CTNNA2: variants seen among roughly 807,000 people sequenced by gnomAD.
CTNNA2 encodes catenin alpha-2.
CTNNA2 carries 42 observed loss-of-function variants against 101.0 expected under a neutral mutation model. That is an observed-to-expected ratio of 0.42 (90% CI 0.32 to 0.54). The LOEUF (loss-of-function observed/expected upper bound fraction) is 0.54, where lower values mean the gene tolerates loss of function less well. CTNNA2 is among the 20% of genes least tolerant of loss of function. The pLI, the probability that CTNNA2 is intolerant of heterozygous loss-of-function variation, is 0.14. For missense variants in CTNNA2, 871 were observed against 1,223.1 expected (o/e 0.71, Z 4.29); for synonymous variants, 450 against 456.4 (o/e 0.99, Z 0.18).
chr2:79,687,871 A>G (rs1327023920), intron 2 of CTNNA2: 2 of 357,738 alleles, frequency 5.6e-6, no homozygotes, highest in Non-Finnish European at 1.0e-5. Context: ...ATGTCCCGGA[A>G]TAGATAAGAT....
intron 3 of CTNNA2, among the ~76,000 whole-genome samples, chr2:79,774,447 G>A (rs1673817313): frequency 6.6e-6 from 1 of 152,172 alleles, no homozygotes; most frequent in South Asian, 2.1e-4. Context: ...CTTCTGGAGT[G>A]TGGTTTTGTT....
chr2:79,435,467 G>A (rs2104513675), intron 4 of CTNNA2, among the ~76,000 whole-genome samples: 1 of 152,270 alleles, frequency 6.6e-6, no homozygotes, highest in South Asian at 2.1e-4. Flanking sequence ...AGGCCACACT[G>A]CAGAAATGGG....
At chr2:79,205,246 G>A (rs1438686192) in intron 2 of CTNNA2, among the ~76,000 whole-genome samples, 1 of 152,120 alleles carries the variant, frequency 6.6e-6, no homozygotes, top group Admixed American at 6.6e-5. Context: ...AGATTCTTTA[G>A]GTATCCCAGC....
intron 7 of CTNNA2, among the ~76,000 whole-genome samples, chr2:79,921,212 A>T (rs1686630141): frequency 6.6e-6 from 1 of 152,194 alleles, no homozygotes; most frequent in African/African-American, 2.4e-5. Context: ...GCTGATTCTT[A>T]TGAGCAGGCA....
chr2:79,281,867 G>A (rs1336947389), intron 2 of CTNNA2, among the ~76,000 whole-genome samples: 1 of 152,172 alleles, frequency 6.6e-6, no homozygotes, highest in Non-Finnish European at 1.5e-5. Context: ...TTAGAGTAGA[G>A]ATGCTGATAT....
chr2:80,638,825 C>T (rs551414416), intron 18 of CTNNA2, among the ~76,000 whole-genome samples: 1 of 152,304 alleles, frequency 6.6e-6, no homozygotes, highest in East Asian at 1.9e-4. Flanking sequence ...AATGAAGACA[C>T]AAAATATGTC....
intron 1 of CTNNA2, among the ~76,000 whole-genome samples, chr2:79,192,632 TATAC>T (rs1471345084): frequency 6.6e-6 from 1 of 152,182 alleles, no homozygotes; most frequent in African/African-American, 2.4e-5. Flanking sequence ...TAAAGGCTGA[TATAC>T]ATAATCAAAT....
intron 2 of CTNNA2, among the ~76,000 whole-genome samples, chr2:79,306,486 A>T (rs1031521307): frequency 6.6e-6 from 1 of 151,424 alleles, no homozygotes; most frequent in Non-Finnish European, 1.5e-5. Context: ...ATTAAAAAAT[A>T]AAATTAAAAA....
At chr2:79,876,214 T>TTTTG (rs1016369183) in intron 6 of CTNNA2, among the ~76,000 whole-genome samples, 2 of 152,128 alleles carry the variant, frequency 1.3e-5, no homozygotes, top group African/African-American at 2.4e-5. Flanking sequence ...GATAAAGGAT[T>TTTTG]TTTGTTTGTT....
At chr2:80,082,365 C>T (rs574878136) in intron 7 of CTNNA2, among the ~76,000 whole-genome samples, 174 of 152,214 alleles carry the variant, frequency 1.1e-3, no homozygotes, top group African/African-American at 4.0e-3. Flanking sequence ...GGGAGCATAA[C>T]TTATGGTATG....
chr2:80,196,425 A>G (rs181304084), intron 7 of CTNNA2, among the ~76,000 whole-genome samples: 1 of 152,092 alleles, frequency 6.6e-6, no homozygotes, highest in African/African-American at 2.4e-5. Context: ...TCCATGTCCT[A>G]CCTTATCTGT....
intron 4 of CTNNA2, among the ~76,000 whole-genome samples, chr2:79,450,697 A>G (rs889773337): frequency 2.0e-5 from 3 of 152,118 alleles, no homozygotes; most frequent in South Asian, 4.1e-4. Context: ...CAATTTTACC[A>G]TAGGCTAATT....
At chr2:80,371,304 C>A (rs1273763680) in intron 7 of CTNNA2, among the ~76,000 whole-genome samples, 1 of 152,118 alleles carries the variant, frequency 6.6e-6, no homozygotes, top group Non-Finnish European at 1.5e-5. Flanking sequence ...CAAAATGTGG[C>A]CAATTCTGAT....
chr2:80,434,447 G>A (rs1681835529), intron 9 of CTNNA2, among the ~76,000 whole-genome samples: 1 of 148,528 alleles, frequency 6.7e-6, no homozygotes, highest in Non-Finnish European at 1.5e-5. Flanking sequence ...TCGCTACTTC[G>A]ATTGTTGTCA....
chr2:80,317,958 C>T (rs1049281272), intron 7 of CTNNA2, among the ~76,000 whole-genome samples: 5 of 152,038 alleles, frequency 3.3e-5, no homozygotes, highest in African/African-American at 1.2e-4. Flanking sequence ...ATTCTCTAGC[C>T]TCTGCATTGT....
At chr2:79,666,196 CT>C (rs1278551185) in intron 2 of CTNNA2, among the ~76,000 whole-genome samples, 1 of 151,970 alleles carries the variant, frequency 6.6e-6, no homozygotes, top group East Asian at 1.9e-4. Context: ...ATATGGGCTT[CT>C]TTCCCAGAAA....
In CTNNA2 at chr2:80,188,944, C is replaced by CTTT. The variant is rs34090029; in HGVS notation, c.1057-204242_1057-204240dup. ...CTACTGTGTCCTGTGCAGGTGGTCA[C>CTTT]TTTTTTTTTTTTTTTTTTTTTTTTT... On this transcript the variant is annotated intron_variant, in intron 7 of 18. Coordinates refer to ENST00000402739, the MANE Select transcript of CTNNA2 (RefSeq NM_001282597.3). Among the ~76,000 whole-genome samples, 97 of 74,720 alleles carry CTTT rather than the reference C, an allele frequency of 1.3e-3. 6 individuals carry two copies. Among genetic ancestry groups the CTTT allele is most frequent in the African/African-American group, 4.4e-3 (73 of 16,474 alleles). 49.0% of individuals were successfully genotyped at this position (74,720 alleles called of 152,430 possible).
At chr2:80,223,573 C>G (rs1294241665) in intron 7 of CTNNA2, among the ~76,000 whole-genome samples, 1 of 152,172 alleles carries the variant, frequency 6.6e-6, no homozygotes, top group East Asian at 1.9e-4. Flanking sequence ...TGCGCCTGGC[C>G]CTATTTCTTA....
chr2:79,806,114 A>G (rs1026156779), intron 3 of CTNNA2, among the ~76,000 whole-genome samples: 52 of 152,006 alleles, frequency 3.4e-4, no homozygotes, highest in African/African-American at 1.2e-3. Flanking sequence ...TACATTCCTC[A>G]CTACTACTAT....
Sources: allele counts gnomAD v4.1 joint callset (sites outside exome capture counted in the v4.1 genomes callset), GRCh38; gene constraint gnomAD v4.1.1; transcripts MANE v1.5; gene names NCBI Gene and HGNC (gene_info 2026-07-23, HGNC 2026-07-21).